CTBP2: variants seen among roughly 807,000 people sequenced by gnomAD.
The protein encoded by CTBP2 is C-terminal-binding protein 2.
A neutral mutation model predicts 80.3 loss-of-function variants in CTBP2; 30 were observed. The ratio of observed to expected loss-of-function variants is 0.37; its 90% CI spans 0.28 to 0.51. The LOEUF (loss-of-function observed/expected upper bound fraction) is 0.51, where lower values mean the gene tolerates loss of function less well. Ranked by LOEUF, CTBP2 falls within the 20% of genes least tolerant of loss-of-function variation. The pLI is 0.93. For missense variants in CTBP2, 1,212 were observed against 1,375.3 expected (o/e 0.88, Z 1.88); for synonymous variants, 594 against 587.4 (o/e 1.01, Z -0.16).
At chr10:125,074,308 A>G (rs887052913) in intron 2 of CTBP2, among the ~76,000 whole-genome samples, 2 of 152,242 alleles carry the variant, frequency 1.3e-5, no homozygotes, top group Non-Finnish European at 2.9e-5. Flanking sequence ...CTGGTGCACC[A>G]TGAAGACCTA....
At chr10:125,137,147 T>G (rs1042725188) in intron 1 of CTBP2, among the ~76,000 whole-genome samples, 5 of 152,240 alleles carry the variant, frequency 3.3e-5, no homozygotes, top group African/African-American at 1.2e-4. Flanking sequence ...GCCAAGATAC[T>G]GAAAGCACCA....
intron 4 of CTBP2, chr10:124,997,522 C>A (rs1357779654): frequency 5.8e-6 from 1 of 172,618 alleles, no homozygotes; most frequent in Non-Finnish European, 1.2e-5. Context: ...CCCAACCTGG[C>A]ATTTGAAGGC....
At chr10:125,149,585 G>A (rs1015862356) in intron 1 of CTBP2, among the ~76,000 whole-genome samples, 1 of 152,154 alleles carries the variant, frequency 6.6e-6, no homozygotes, top group Non-Finnish European at 1.5e-5. Context: ...CACCACCCCC[G>A]GCCCCACCAG....
At chr10:125,089,213 A>G (rs555308803) in intron 2 of CTBP2, among the ~76,000 whole-genome samples, 1 of 152,368 alleles carries the variant, frequency 6.6e-6, no homozygotes, top group South Asian at 2.1e-4. Flanking sequence ...ATTTTAGGCG[A>G]GAATAAAAGT....
chr10:125,092,628 G>A (rs1848948214), intron 2 of CTBP2, among the ~76,000 whole-genome samples: 1 of 152,204 alleles, frequency 6.6e-6, no homozygotes, highest in African/African-American at 2.4e-5. Context: ...TCATCCTACA[G>A]GGTTAGTTCC....
At chr10:125,070,818 G>A (rs1042049065) in intron 2 of CTBP2, among the ~76,000 whole-genome samples, 14 of 136,258 alleles carry the variant, frequency 1.0e-4, no homozygotes, top group East Asian at 2.1e-4. Flanking sequence ...GGCATCTGCC[G>A]CCACGCCCGG....
chr10:125,023,466 G>A (rs766966237), intron 1 of CTBP2, among the ~76,000 whole-genome samples: 60 of 152,230 alleles, frequency 3.9e-4, no homozygotes, highest in Non-Finnish European at 7.6e-4. Flanking sequence ...ACGTGACACG[G>A]GGAGATTGCT....
intron 1 of CTBP2, among the ~76,000 whole-genome samples, chr10:125,119,324 G>A (rs1028081103): frequency 2.6e-5 from 4 of 152,170 alleles, no homozygotes; most frequent in African/African-American, 4.8e-5. Flanking sequence ...CTCCCACTGC[G>A]GTGGAAGGAG....
At chr10:125,116,074 C>A (rs1256748078) in intron 1 of CTBP2, among the ~76,000 whole-genome samples, 7 of 152,138 alleles carry the variant, frequency 4.6e-5, no homozygotes, top group Admixed American at 2.6e-4. Context: ...CTGTGCCAAG[C>A]CCCAGAGGCA....
intron 1 of CTBP2, among the ~76,000 whole-genome samples, chr10:125,017,927 C>T (rs1956655853): frequency 1.3e-5 from 2 of 152,220 alleles, no homozygotes; most frequent in South Asian, 4.1e-4. Context: ...AGCCTCAGAG[C>T]CCATCATGAT....
At chr10:125,068,940 A>G (rs755418778) in intron 2 of CTBP2, among the ~76,000 whole-genome samples, 10 of 152,154 alleles carry the variant, frequency 6.6e-5, no homozygotes, top group Non-Finnish European at 2.9e-5. Context: ...GGATCCTGAC[A>G]CGCGACCTTA....
chr10:125,064,029 T>G lies in CTBP2; in HGVS notation c.-101-24874A>C, dbSNP rs538715842. On this transcript the variant is annotated intron_variant, in intron 2 of 10. Transcript: ENST00000337195. Reference sequence around the variant, plus strand: ...TTAATTATCCAACTCCAATTCCACATAGGAATCCAGTTATTTAAAATGCAT... The same window carrying G: ...TTAATTATCCAACTCCAATTCCACAGAGGAATCCAGTTATTTAAAATGCAT... Among the ~76,000 whole-genome samples, 4 of 148,278 alleles carry G rather than the reference T, an allele frequency of 2.7e-5. No homozygotes were observed. In the East Asian group the frequency reaches 6.1e-4, roughly 23 times the overall value.
chr10:125,017,861 G>A (rs1956646437), intron 1 of CTBP2, among the ~76,000 whole-genome samples: 1 of 152,194 alleles, frequency 6.6e-6, no homozygotes, highest in Admixed American at 6.5e-5. Context: ...GGTTCTCAGA[G>A]CCGTGGGGGG....
At chr10:125,108,910 G>T (rs1322732436) in intron 2 of CTBP2, among the ~76,000 whole-genome samples, 2 of 152,264 alleles carry the variant, frequency 1.3e-5, no homozygotes, top group Non-Finnish European at 2.9e-5. Context: ...ATACAGGAAT[G>T]GTGGGAACCC....
At chr10:125,030,396 GAC>G (rs1375674166), upstream of CTBP2, among the ~76,000 whole-genome samples, 3 of 152,198 alleles carry the variant, frequency 2.0e-5, no homozygotes, top group Non-Finnish European at 4.4e-5. Context: ...GTCCCTGTGC[GAC>G]ACAAGGTGTC....
Position 124,994,619 on chromosome 10 carries a change from G to T in CTBP2, c.2250C>A (p.Asp750Glu). ...GCTCGATCCCATCCTGCAAGTAGGG[G>T]TCATAAAATATGACGCTGAATCCAA... is the stretch of plus-strand genomic sequence containing the variant. Residue 750 changes from aspartate (D) to glutamate (E), a missense_variant, in exon 5 of 9, where the codon GAC becomes GAA. Transcript: ENST00000309035. The T allele has an allele frequency of 1.9e-6, 3 of 1,614,144 alleles. No homozygotes were observed. Among genetic ancestry groups the T allele is most frequent in the Non-Finnish European group, 2.5e-6 (3 of 1,179,990 alleles).
At chr10:125,011,399 C>T (rs1369638805) in intron 1 of CTBP2, among the ~76,000 whole-genome samples, 5 of 152,188 alleles carry the variant, frequency 3.3e-5, no homozygotes, top group Non-Finnish European at 5.9e-5. Context: ...ACAGAGCTGG[C>T]GAGGCAGGAG....
chr10:125,090,285 C>CAAAAAAAAAAAAAAAAAA lies in CTBP2; in HGVS notation c.-102+20704_-102+20705insTTTTTTTTTTTTTTTTTT, dbSNP rs56714830. ...TCTGGGCGACAGAGAGTCCCTGGCT[C>CAAAAAAAAAAAAAAAAAA]AAAAAAAAAAAAAAAAAGGTTGGGG... is the stretch of plus-strand genomic sequence containing the variant. On this transcript the variant is annotated intron_variant, in intron 2 of 10. Coordinates refer to the CTBP2 transcript ENST00000337195. 4.1e-3 allele frequency among the ~76,000 whole-genome samples: 268 copies of CAAAAAAAAAAAAAAAAAA among 65,340 alleles called. 17 individuals carry two copies. The highest frequency in any genetic ancestry group is 0.018 in the African/African-American group (253 of 14,402). 42.9% of individuals were successfully genotyped at this position (65,340 alleles called of 152,430 possible).
At chr10:125,029,946 G>A (rs1958011447), upstream of CTBP2, among the ~76,000 whole-genome samples, 5 of 152,134 alleles carry the variant, frequency 3.3e-5, no homozygotes, top group South Asian at 1.0e-3. Context: ...ATGCGCTTTG[G>A]GGCAGCATCA....
Sources: gnomAD v4.1 joint callset for allele counts (sites outside exome capture counted in the v4.1 genomes callset) on GRCh38, gnomAD v4.1.1 for gene constraint, MANE v1.5 for transcripts, NCBI Gene and HGNC (gene_info 2026-07-23, HGNC 2026-07-21) for gene names.